Variants in CFAP263 observed in about 807,000 individuals in gnomAD.
CFAP263 encodes the protein cilia and flagella associated protein 263.
the CFAP263 span, among the ~76,000 whole-genome samples, chr16:58,254,435 A>T: frequency 6.6e-6 from 1 of 152,208 alleles, no homozygotes; most frequent in Non-Finnish European, 1.5e-5. Context: ...TGGAATGATC[A>T]TCAACATATG....
At chr16:58,259,665 T>C in the CFAP263 span, among the ~76,000 whole-genome samples, 3 of 152,268 alleles carry the variant, frequency 2.0e-5, no homozygotes, top group South Asian at 6.2e-4. Flanking sequence ...AAAACCAGTG[T>C]CCTCTGCTTC....
At chr16:58,258,602 C>T in the CFAP263 span, 2 of 1,368,084 alleles carry the variant, frequency 1.5e-6, no homozygotes, top group Non-Finnish European at 1.0e-6. Context: ...GTGAAGCAGC[C>T]TAGCTCCCTT....
the CFAP263 span, among the ~76,000 whole-genome samples, chr16:58,272,472 T>C: frequency 9.8e-5 from 15 of 152,326 alleles, no homozygotes; most frequent in South Asian, 2.9e-3. Flanking sequence ...TGTAGCCTAC[T>C]ACACACCTAG....
chr16:58,274,318 T>G, the CFAP263 span, among the ~76,000 whole-genome samples: 2 of 152,196 alleles, frequency 1.3e-5, no homozygotes, highest in Non-Finnish European at 2.9e-5. Context: ...ATTGCTTACC[T>G]TAAAAAACTC....
chr16:58,280,591 G>C, the CFAP263 span: 5 of 1,613,998 alleles, frequency 3.1e-6, no homozygotes, highest in South Asian at 1.1e-5. Flanking sequence ...TGAGGACAGG[G>C]GAGGGCCGGC....
the CFAP263 span, chr16:58,250,090 C>T: frequency 6.3e-7 from 1 of 1,588,674 alleles, no homozygotes; most frequent in Admixed American, 1.8e-5. Flanking sequence ...TGTTATCCAG[C>T]TGTGCGGGCT....
At chr16:58,279,491 C>A in the CFAP263 span, among the ~76,000 whole-genome samples, 1 of 152,068 alleles carries the variant, frequency 6.6e-6, no homozygotes, top group Non-Finnish European at 1.5e-5. Context: ...ATAGAAAAAT[C>A]TTCCGGTGGG....
chr16:58,263,014 A>T, the CFAP263 span, among the ~76,000 whole-genome samples: 1 of 152,218 alleles, frequency 6.6e-6, no homozygotes, highest in African/African-American at 2.4e-5. Context: ...AAGCAGTCTT[A>T]GCTATAAATC....
At chr16:58,282,951 T>TC in the CFAP263 span, 2 of 152,204 alleles carry the variant, frequency 1.3e-5, no homozygotes, top group Non-Finnish European at 2.9e-5. Flanking sequence ...CTTTTTCTCT[T>TC]CCCCATAATC....
the CFAP263 span, among the ~76,000 whole-genome samples, chr16:58,262,770 GATA>G: frequency 7.3e-6 from 1 of 136,856 alleles, no homozygotes; most frequent in East Asian, 2.8e-4. Context: ...TAGGTAGATA[GATA>G]GATAGATAGA....
chr16:58,262,791 A>ATAGATAGATAGATAGATAGATAGATAGG, the CFAP263 span, among the ~76,000 whole-genome samples: 1 of 152,076 alleles, frequency 6.6e-6, no homozygotes, highest in African/African-American at 2.4e-5. Flanking sequence ...AGATAGATAG[A>ATAGATAGATAGATAGATAGATAGATAGG]TAGATAGATA....
At chr16:58,271,856 G>A in the CFAP263 span, among the ~76,000 whole-genome samples, 10 of 152,170 alleles carry the variant, frequency 6.6e-5, no homozygotes, top group South Asian at 8.3e-4. Flanking sequence ...TTTCCATACC[G>A]TACTCTTCGG....
chr16:58,276,957 T>A, the CFAP263 span, among the ~76,000 whole-genome samples: 2 of 152,264 alleles, frequency 1.3e-5, no homozygotes, highest in East Asian at 3.9e-4. Context: ...AAGCCTAGAT[T>A]TCTGGAAGGA....
At chr16:58,278,465 G>A in the CFAP263 span, 3 of 1,612,918 alleles carry the variant, frequency 1.9e-6, no homozygotes, top group East Asian at 6.7e-5. Context: ...GGGTGTAACT[G>A]GTCCTTCCCA....
the CFAP263 span, chr16:58,249,973 TC>T: frequency 2.2e-6 from 3 of 1,362,250 alleles, no homozygotes; most frequent in African/African-American, 4.3e-5. Context: ...CACCCGGAGC[TC>T]CTGGGCACAC....
the CFAP263 span, among the ~76,000 whole-genome samples, chr16:58,255,894 C>T: frequency 6.6e-6 from 1 of 152,160 alleles, no homozygotes; most frequent in Non-Finnish European, 1.5e-5. Flanking sequence ...GGCACACGTG[C>T]CCATGGTTTG....
At chr16:58,266,485 A>G in the CFAP263 span, among the ~76,000 whole-genome samples, 1 of 138,354 alleles carries the variant, frequency 7.2e-6, no homozygotes, top group Non-Finnish European at 1.5e-5. Context: ...GCTTGGCACA[A>G]TTGCAGTCTT....
chr16:58,258,176 A>AT, the CFAP263 span, among the ~76,000 whole-genome samples: 1 of 151,026 alleles, frequency 6.6e-6, no homozygotes, highest in Admixed American at 6.6e-5. Flanking sequence ...TATGGATTCT[A>AT]TTTTTTTGAA....
chr16:58,278,392 G>T, the CFAP263 span: 3 of 1,158,066 alleles, frequency 2.6e-6, no homozygotes, highest in South Asian at 1.4e-5. Flanking sequence ...GAACTCTATT[G>T]GAACTATGGG....
Sources: gnomAD v4.1 joint callset for allele counts (sites outside exome capture counted in the v4.1 genomes callset) on GRCh38, gnomAD v4.1.1 for gene constraint, MANE v1.5 for transcripts, NCBI Gene and HGNC (gene_info 2026-07-23, HGNC 2026-07-21) for gene names.